The following GRIN2A variants were observed in gnomAD, a reference collection of about 807,000 sequenced individuals.
The protein encoded by GRIN2A is glutamate receptor ionotropic, NMDA 2A.
Under a neutral mutation model 113.4 loss-of-function variants are expected in GRIN2A, and 22 were observed. That is an observed-to-expected ratio of 0.19 (90% CI 0.14 to 0.28). The LOEUF is 0.28. GRIN2A is among the 10% of genes least tolerant of loss of function. GRIN2A has a pLI of 1.00. For missense variants in GRIN2A, 1,502 were observed against 1,887.0 expected, an observed-to-expected ratio of 0.80 and a Z score of 3.78; for synonymous variants, 827 against 738.4, an observed-to-expected ratio of 1.12 and a Z score of -1.94.
intron 2 of GRIN2A, among the ~76,000 whole-genome samples, chr16:9,997,044 A>G (rs1476081101): frequency 6.6e-6 from 1 of 152,188 alleles, no homozygotes; most frequent in African/African-American, 2.4e-5. Flanking sequence ...CATCATCACC[A>G]GCCCAAAAAT....
chr16:10,172,988 T>G lies in GRIN2A; in HGVS notation c.414+7010A>C, dbSNP rs16957071. ...CAGTAGCATTTTCCATCTGAGGCTATGAGAAAGAAGATAAACACCGCTGCA... is the reference window on the plus strand; with the variant it reads ...CAGTAGCATTTTCCATCTGAGGCTAGGAGAAAGAAGATAAACACCGCTGCA... On this transcript the variant is annotated intron_variant, in intron 2 of 12. Coordinates refer to ENST00000330684, the MANE Select transcript of GRIN2A (RefSeq NM_001134407.3). 8.4e-3 allele frequency among the ~76,000 whole-genome samples: 1,284 copies of G among 152,186 alleles called. 8 individuals carry two copies. The highest frequency in any genetic ancestry group is 0.015 in the Non-Finnish European group (996 of 68,008).
chr16:9,979,125 T>C (rs762255866), intron 2 of GRIN2A, among the ~76,000 whole-genome samples: 53 of 152,234 alleles, frequency 3.5e-4, no homozygotes, highest in Non-Finnish European at 5.3e-4. Context: ...GAGACTAAGA[T>C]TCTAACAGGT....
At chr16:10,095,710 T>A (rs2048275649) in intron 2 of GRIN2A, among the ~76,000 whole-genome samples, 1 of 152,190 alleles carries the variant, frequency 6.6e-6, no homozygotes, top group African/African-American at 2.4e-5. Flanking sequence ...ACAAGTTACT[T>A]GTTAATTACA....
chr16:9,798,508 C>T (rs1903144003), intron 10 of GRIN2A, 44 bp from the exon 11 acceptor site: 1 of 1,526,494 alleles, frequency 6.6e-7, no homozygotes, highest in Non-Finnish European at 9.1e-7. Flanking sequence ...TGGCCAGGTA[C>T]CACCTCGGGG....
intron 2 of GRIN2A, among the ~76,000 whole-genome samples, chr16:10,168,630 C>A (rs546464270): frequency 6.6e-6 from 1 of 152,122 alleles, no homozygotes; most frequent in Non-Finnish European, 1.5e-5. Context: ...GACCTAATTG[C>A]CGAAGCTTAT....
intron 11 of GRIN2A, among the ~76,000 whole-genome samples, chr16:9,789,127 T>G (rs1449577005): frequency 1.3e-5 from 2 of 152,268 alleles, no homozygotes; most frequent in African/African-American, 4.8e-5. Context: ...ATAAACATAC[T>G]GGCCTTTGCA....
chr16:10,153,932 T>C (rs1425606193), intron 2 of GRIN2A, among the ~76,000 whole-genome samples: 1 of 152,138 alleles, frequency 6.6e-6, no homozygotes, highest in Admixed American at 6.5e-5. Flanking sequence ...TCCTCCACCC[T>C]CCTCCCACGT....
intron 5 of GRIN2A, among the ~76,000 whole-genome samples, chr16:9,845,365 T>C (rs1567341243): frequency 6.6e-6 from 1 of 152,172 alleles, no homozygotes; most frequent in South Asian, 2.1e-4. Flanking sequence ...TTTTAAAGAC[T>C]CTAAACTCCT....
chr16:10,116,871 G>A (rs1463674322), intron 2 of GRIN2A, among the ~76,000 whole-genome samples: 3 of 152,076 alleles, frequency 2.0e-5, no homozygotes, highest in Non-Finnish European at 4.4e-5. Flanking sequence ...TCTGCCATAT[G>A]CAGGAGCCAA....
chr16:9,982,656 A>G (rs149537147), intron 2 of GRIN2A, among the ~76,000 whole-genome samples: 45 of 152,318 alleles, frequency 3.0e-4, no homozygotes, highest in African/African-American at 9.4e-4. Flanking sequence ...GATTTTATGT[A>G]TTTCAATGCC....
chr16:9,856,317 A>C (rs559760280), intron 4 of GRIN2A, among the ~76,000 whole-genome samples: 16 of 152,136 alleles, frequency 1.1e-4, no homozygotes, highest in African/African-American at 3.9e-4. Context: ...TAAAGGTTAC[A>C]ACAAGGCCAC....
At chr16:10,077,966 C>G (rs538795277) in intron 2 of GRIN2A, among the ~76,000 whole-genome samples, 1 of 152,248 alleles carries the variant, frequency 6.6e-6, no homozygotes, top group Admixed American at 6.5e-5. Flanking sequence ...TTTAGCCATC[C>G]ACGTGAACCA....
Position 9,762,233 on chromosome 16 carries a change from A to T in GRIN2A, c.*916T>A, listed in dbSNP as rs746042232. The T allele has an allele frequency of 5.4e-5, 12 of 223,236 alleles. No individual in the cohort carries two copies. The highest frequency in any genetic ancestry group is 1.1e-4 in the Non-Finnish European group (12 of 111,564). 13.8% of individuals were successfully genotyped at this position (223,236 alleles called of 1,614,324 possible). On this transcript the variant is annotated 3_prime_UTR_variant, in exon 13 of 13. Transcript: ENST00000330684. Reference sequence around the variant, plus strand: ...TGGGAGGGAAGGGGTAACAGATACTATACAACCCTGAGTCATCACCAGAAG... The same window carrying T: ...TGGGAGGGAAGGGGTAACAGATACTTTACAACCCTGAGTCATCACCAGAAG...
chr16:9,964,129 T>C (rs1298146564), intron 2 of GRIN2A, among the ~76,000 whole-genome samples: 1 of 152,176 alleles, frequency 6.6e-6, no homozygotes, highest in Non-Finnish European at 1.5e-5. Flanking sequence ...TGCAGGTGAC[T>C]CTTTGGAGGA....
intron 3 of GRIN2A, among the ~76,000 whole-genome samples, chr16:9,902,859 A>T (rs966862405): frequency 6.7e-6 from 1 of 149,890 alleles, no homozygotes; most frequent in African/African-American, 2.5e-5. Context: ...GTCTAAACCC[A>T]GTATTTGTTT....
chr16:9,980,858 G>C (rs147664753), intron 2 of GRIN2A, among the ~76,000 whole-genome samples: 2 of 121,240 alleles, frequency 1.6e-5, no homozygotes, highest in African/African-American at 3.0e-5. Flanking sequence ...GGAGGGGGGA[G>C]GGACAGCATT....
chr16:9,907,574 TAC>T (rs2044051235), intron 3 of GRIN2A, among the ~76,000 whole-genome samples: 1 of 152,164 alleles, frequency 6.6e-6, no homozygotes, highest in Non-Finnish European at 1.5e-5. Flanking sequence ...CCAAGAATCA[TAC>T]AGTCATGCCT....
intron 2 of GRIN2A, among the ~76,000 whole-genome samples, chr16:10,069,289 T>C (rs1300701077): frequency 6.6e-6 from 1 of 152,134 alleles, no homozygotes; most frequent in Non-Finnish European, 1.5e-5. Context: ...TAATTATACA[T>C]TGCACTAGAC....
intron 2 of GRIN2A, among the ~76,000 whole-genome samples, chr16:10,025,579 G>A (rs1174126379): frequency 2.6e-5 from 4 of 152,050 alleles, no homozygotes; most frequent in African/African-American, 7.2e-5. Flanking sequence ...TGGAATTATA[G>A]GCGTGAATCA....
Sources: gnomAD v4.1 joint callset for allele counts (sites outside exome capture counted in the v4.1 genomes callset) on GRCh38, gnomAD v4.1.1 for gene constraint, MANE v1.5 for transcripts, NCBI Gene and HGNC (gene_info 2026-07-23, HGNC 2026-07-21) for gene names.